Variants in PCDHGA10 observed in about 807,000 individuals in gnomAD.
PCDHGA10 encodes protocadherin gamma subfamily A, 10, also known as protocadherin gamma-A10.
Under a neutral mutation model 59.5 loss-of-function variants are expected in PCDHGA10, and 42 were observed. The observed-to-expected ratio is 0.71, with a 90% CI of 0.55 to 0.91. The LOEUF (loss-of-function observed/expected upper bound fraction) is 0.91. Among genes scored for constraint, PCDHGA10 ranks in the 40% least tolerant of loss-of-function variants. The pLI is 0.00. For synonymous variants in PCDHGA10, 511 were observed against 517.2 expected, an observed-to-expected ratio of 0.99 and a Z score of 0.16; for missense variants, 1,111 against 1,198.2, an observed-to-expected ratio of 0.93 and a Z score of 1.07.
chr5:141,488,705 G>T (rs1024064135), intron 1 of PCDHGA10, among the ~76,000 whole-genome samples: 1 of 152,200 alleles, frequency 6.6e-6, no homozygotes, highest in Non-Finnish European at 1.5e-5. Context: ...AGATTTTGCT[G>T]GTTCAAGCAA....
intron 1 of PCDHGA10, among the ~76,000 whole-genome samples, chr5:141,459,838 A>G (rs944807247): frequency 6.6e-6 from 1 of 152,098 alleles, no homozygotes; most frequent in Non-Finnish European, 1.5e-5. Flanking sequence ...TGTGTTGTCT[A>G]TTTGTATATC....
At position 141,487,179 on chromosome 5, in the gene PCDHGA10, C is replaced by T. The variant is rs768886732; in HGVS notation, c.2437-7628C>T. Reference sequence around the variant, plus strand: ...CTCTTAGTGTCCTTAGAGGAAGACACTCATCCAGTTGTCCCAGATCTTCGA... The same window carrying T: ...CTCTTAGTGTCCTTAGAGGAAGACATTCATCCAGTTGTCCCAGATCTTCGA... On this transcript the variant is annotated intron_variant, in intron 1 of 3. Transcript: ENST00000398610. This position sits in a 1 kb window ranked among gnomAD's most constrained non-coding sequence, Gnocchi z 5.0. 6.2e-6 allele frequency: 10 copies of T among 1,613,474 alleles called. No individual in the cohort carries two copies. Among genetic ancestry groups the T allele is most frequent in the Non-Finnish European group, 6.8e-6 (8 of 1,179,370 alleles).
At chr5:141,423,119 G>T (rs769320490) in intron 1 of PCDHGA10, 2 of 1,613,774 alleles carry the variant, frequency 1.2e-6, no homozygotes, top group Non-Finnish European at 1.7e-6. Context: ...CGTACAGCGC[G>T]GGCACTGCTG....
In PCDHGA10 at chr5:141,432,293, G is replaced by C. The variant is rs765631138; in HGVS notation, c.2436+16682G>C. Reference sequence around the variant, plus strand: ...CTACGTGTCCATCAACTCCGACACTGGGGTACTGTATGCGCTGAGCTCCTT... The same window carrying C: ...CTACGTGTCCATCAACTCCGACACTCGGGTACTGTATGCGCTGAGCTCCTT... On this transcript the variant is annotated intron_variant, in intron 1 of 3. Coordinates refer to ENST00000398610, the MANE Select transcript of PCDHGA10 (RefSeq NM_018913.3). This position sits in a 1 kb window ranked among gnomAD's most constrained non-coding sequence, Gnocchi z 6.0. 6.2e-7 allele frequency: 1 copy of C among 1,614,254 alleles called. No individual in the cohort carries two copies.
At chr5:141,474,847 GC>G (rs1357496937) in intron 1 of PCDHGA10, among the ~76,000 whole-genome samples, 1 of 152,198 alleles carries the variant, frequency 6.6e-6, no homozygotes, top group East Asian at 1.9e-4. Context: ...CACTTTACCT[GC>G]CTTCTTCATT....
intron 1 of PCDHGA10, chr5:141,418,929 T>A: frequency 6.2e-7 from 1 of 1,614,034 alleles, no homozygotes; most frequent in Non-Finnish European, 8.5e-7. Flanking sequence ...GATCAGATTA[T>A]GGAGGATTCC....
At position 141,489,436 on chromosome 5, in the gene PCDHGA10, T is replaced by C. The variant is rs1002519; in HGVS notation, c.2437-5371T>C. 0.23 allele frequency: 369,130 copies of C among 1,613,832 alleles called. 44,340 individuals are homozygous for C. The highest frequency in any genetic ancestry group is 0.38 in the Admixed American group (23,024 of 60,000). On this transcript the variant is annotated intron_variant, in intron 1 of 3. Transcript: ENST00000398610. The surrounding 1 kb of genome is among the most constrained non-coding windows in gnomAD (Gnocchi z 4.5). ...AGATCTGTTGAGCCGGCGGCTGCAATTGGGCTCTGAGGAGAATGGGCGCTA... is the reference window on the plus strand; with the variant it reads ...AGATCTGTTGAGCCGGCGGCTGCAACTGGGCTCTGAGGAGAATGGGCGCTA...
At chr5:141,506,787 G>A (rs55775963) in intron 3 of PCDHGA10, among the ~76,000 whole-genome samples, 1,925 of 152,270 alleles carry the variant, frequency 0.013, 43 homozygotes, top group African/African-American at 0.044. Flanking sequence ...CTTATAAGGA[G>A]GCTGGCAGAG....
rs1009141449 is a variant in PCDHGA10, at chr5:141,491,922, G to A, written c.2437-2885G>A. 2 of 1,349,026 alleles carry A rather than the reference G, an allele frequency of 1.5e-6. No individual in the cohort carries two copies. Among genetic ancestry groups the A allele is most frequent in the African/African-American group, 1.5e-5 (1 of 67,598 alleles). The allele number at this position is 1,349,026 out of a possible 1,614,324, so 83.6% of individuals were successfully genotyped here. On this transcript the variant is annotated intron_variant, in intron 1 of 3. Coordinates refer to ENST00000398610, the MANE Select transcript of PCDHGA10 (RefSeq NM_018913.3). The surrounding 1 kb of genome is among the most constrained non-coding windows in gnomAD (Gnocchi z 6.9). ...CGGGGGTGGTGGCGACTGTGGGCGAGGGGAGGTGGGACCGACCCCCACCCC... is the reference window on the plus strand; with the variant it reads ...CGGGGGTGGTGGCGACTGTGGGCGAAGGGAGGTGGGACCGACCCCCACCCC...
intron 1 of PCDHGA10, among the ~76,000 whole-genome samples, chr5:141,472,405 G>A (rs1207849470): frequency 6.6e-6 from 1 of 152,086 alleles, no homozygotes; most frequent in Non-Finnish European, 1.5e-5. Flanking sequence ...GCCAGGCGTG[G>A]TGGCACGCAC....
Position 141,432,538 on chromosome 5 carries a change from G to T in PCDHGA10, c.2436+16927G>T, listed in dbSNP as rs200601557. 1 of 1,613,908 alleles carries T rather than the reference G, an allele frequency of 6.2e-7. No individual in the cohort carries two copies. Among genetic ancestry groups the T allele is most frequent in the African/African-American group, 1.3e-5 (1 of 74,936 alleles). Reference sequence around the variant, plus strand: ...GCTACCTGGTGACCAAGGTGGTGGCGGTGGACAGAGACTCCGGCCAGAACG... The same window carrying T: ...GCTACCTGGTGACCAAGGTGGTGGCTGTGGACAGAGACTCCGGCCAGAACG... On this transcript the variant is annotated intron_variant, in intron 1 of 3. Coordinates refer to ENST00000398610, the MANE Select transcript of PCDHGA10 (RefSeq NM_018913.3). This position sits in a 1 kb window ranked among gnomAD's most constrained non-coding sequence, Gnocchi z 6.0.
At chr5:141,473,002 GAA>G (rs2099311273) in intron 1 of PCDHGA10, among the ~76,000 whole-genome samples, 1 of 143,872 alleles carries the variant, frequency 7.0e-6, no homozygotes, top group East Asian at 2.0e-4. Flanking sequence ...AAAAAAGAAA[GAA>G]AAAGAAAAAG....
Position 141,490,629 on chromosome 5 carries a change from C to T in PCDHGA10, c.2437-4178C>T, listed in dbSNP as rs1174984711. 1.2e-6 allele frequency: 2 copies of T among 1,614,214 alleles called. No individual in the cohort carries two copies. Among genetic ancestry groups the T allele is most frequent in the East Asian group, 2.2e-5 (1 of 44,882 alleles). On this transcript the variant is annotated intron_variant, in intron 1 of 3. Coordinates refer to ENST00000398610, the MANE Select transcript of PCDHGA10 (RefSeq NM_018913.3). This position sits in a 1 kb window ranked among gnomAD's most constrained non-coding sequence, Gnocchi z 5.4. ...ACCAGCAGCTTTACACTGCTTACAT[C>T]CTAGAAAACCGGCCTCCGGGCTCCC...
At chr5:141,438,159 T>TA (rs974013542) in intron 1 of PCDHGA10, among the ~76,000 whole-genome samples, 44 of 152,258 alleles carry the variant, frequency 2.9e-4, no homozygotes, top group African/African-American at 9.9e-4. Context: ...ATGGCAAAGC[T>TA]AATTGGAAAA....
rs773484841 is a variant in PCDHGA10 at position 141,432,092 on chromosome 5, A to G, written c.2436+16481A>G. 4.3e-6 allele frequency: 7 copies of G among 1,614,104 alleles called. No individual in the cohort carries two copies. The East Asian group carries it at 1.6e-4, about 36-fold the overall frequency. On this transcript the variant is annotated intron_variant, in intron 1 of 3. Transcript: ENST00000398610. The surrounding 1 kb of genome is among the most constrained non-coding windows in gnomAD (Gnocchi z 6.0). Reference sequence around the variant, plus strand: ...TCATATCTCGCTGAACGTGGCAGACACCAACGACAACCCGCCGGTCTTCCC... The same window carrying G: ...TCATATCTCGCTGAACGTGGCAGACGCCAACGACAACCCGCCGGTCTTCCC...
chr5:141,453,111 G>A (rs1040339344), intron 1 of PCDHGA10, among the ~76,000 whole-genome samples: 5 of 151,718 alleles, frequency 3.3e-5, no homozygotes, highest in Non-Finnish European at 5.9e-5. Flanking sequence ...TTTTTGTTTT[G>A]TTTTGTTTTG....
Position 141,491,244 on chromosome 5 carries a change from T to A in PCDHGA10, c.2437-3563T>A. 1 of 1,614,210 alleles carries A rather than the reference T, an allele frequency of 6.2e-7. No individual in the cohort carries two copies. Among genetic ancestry groups the A allele is most frequent in the Non-Finnish European group, 8.5e-7 (1 of 1,180,024 alleles). On this transcript the variant is annotated intron_variant, in intron 1 of 3. Coordinates refer to ENST00000398610, the MANE Select transcript of PCDHGA10 (RefSeq NM_018913.3). This position sits in a 1 kb window ranked among gnomAD's most constrained non-coding sequence, Gnocchi z 6.9. ...CCACAGTGCTGCTGGTTCTGGAGGA[T>A]GAGGACCCTGAGGAAATGCCCAAAT...
rs1158395811 is a variant in PCDHGA10, at chr5:141,476,020, T to TCGGCGCC, written c.2437-18785_2437-18779dup. The stretch of plus-strand genomic sequence containing the variant: ...CGGCATCCAGAAAGCCATGTCGGAC[T>TCGGCGCC]CGGCGCCCAGCGCCCAAGCGCTAAC... On this transcript the variant is annotated intron_variant, in intron 1 of 3. Transcript: ENST00000398610. The surrounding 1 kb of genome is among the most constrained non-coding windows in gnomAD (Gnocchi z 7.6). 2.1e-6 allele frequency: 3 copies of TCGGCGCC among 1,398,716 alleles called. No homozygotes were observed. The African/African-American group carries it at 4.3e-5, about 20-fold the overall frequency. The allele number at this position is 1,398,716 out of a possible 1,614,324, so 86.6% of individuals were successfully genotyped here. A position where few individuals can be genotyped will look rare whatever the true frequency, so the allele number is the denominator to read the frequency against.
At position 141,490,821 on chromosome 5, in the gene PCDHGA10, G is replaced by A. The variant is rs907584239; in HGVS notation, c.2437-3986G>A. On this transcript the variant is annotated intron_variant, in intron 1 of 3. Transcript: ENST00000398610. The surrounding 1 kb of genome is among the most constrained non-coding windows in gnomAD (Gnocchi z 5.4). ...AGCGTACCTTTGACTATGAATTGCT[G>A]CAGATGCTGCAGATTGTGGTGGGGG... 6.2e-7 allele frequency: 1 copy of A among 1,613,876 alleles called. No homozygotes were observed. Among genetic ancestry groups the A allele is most frequent in the Non-Finnish European group, 8.5e-7 (1 of 1,179,826 alleles).
Sources: allele counts gnomAD v4.1 joint callset (sites outside exome capture counted in the v4.1 genomes callset), GRCh38; gene constraint gnomAD v4.1.1; non-coding constraint Gnocchi (gnomAD v3.1); transcripts MANE v1.5; gene names NCBI Gene and HGNC (gene_info 2026-07-23, HGNC 2026-07-21).